SRL: variants seen among roughly 807,000 people sequenced by gnomAD.
SRL encodes the protein sarcalumenin.
In SRL, 23 loss-of-function variants were observed where a neutral mutation model predicts 39.5. The ratio of observed to expected loss-of-function variants is 0.58; its 90% CI spans 0.42 to 0.82. The LOEUF is 0.82. Ranked by LOEUF, SRL falls within the 40% of genes least tolerant of loss-of-function variation. The pLI is 0.00. For missense variants in SRL, 592 were observed against 607.8 expected, an observed-to-expected ratio of 0.97 and a Z score of 0.27; for synonymous variants, 272 against 237.4, an observed-to-expected ratio of 1.15 and a Z score of -1.34.
At chr16:4,200,435 G>A (rs2052213017) in intron 3 of SRL, among the ~76,000 whole-genome samples, 1 of 152,210 alleles carries the variant, frequency 6.6e-6, no homozygotes, top group African/African-American at 2.4e-5. Flanking sequence ...CTATACAGGA[G>A]GTGGGAGGTG....
chr16:4,218,907 C>G (rs748540649), intron 1 of SRL, among the ~76,000 whole-genome samples: 2 of 152,262 alleles, frequency 1.3e-5, no homozygotes, highest in African/African-American at 2.4e-5. Context: ...AGCTCATAGA[C>G]CTCTCTGGAA....
intron 3 of SRL, among the ~76,000 whole-genome samples, chr16:4,200,406 A>T (rs921977417): frequency 6.6e-6 from 1 of 152,136 alleles, no homozygotes; most frequent in Admixed American, 6.5e-5. Context: ...GGCTCCTCAC[A>T]GCAGGGGGCA....
chr16:4,232,723 G>C (rs901847422), intron 1 of SRL, among the ~76,000 whole-genome samples: 3 of 152,134 alleles, frequency 2.0e-5, no homozygotes, highest in African/African-American at 7.2e-5. Flanking sequence ...TGTTGCCCAA[G>C]GTACTCTTGA....
Position 4,192,762 on chromosome 16 carries a change from G to A in SRL, c.813C>T (p.Ala271=), listed in dbSNP as rs950042174. ...ATQMLMRVYG[A]LFWSLAPLIN... is the part of the protein sequence containing the mutation. ...TGAGAGGGGCCAAGCTCCAGAAGAG[G>A]GCCCCGTAAACCCGCATGAGCATTT... Residue 271 remains alanine (A), a synonymous_variant, in exon 6 of 6, where the codon GCC becomes GCT. Coordinates refer to ENST00000399609, the MANE Select transcript of SRL (RefSeq NM_001098814.2). The surrounding 1 kb of genome is among the most constrained non-coding windows in gnomAD (Gnocchi z 4.0). 8.1e-6 allele frequency: 13 copies of A among 1,614,036 alleles called. No homozygotes were observed. The African/African-American group carries it at 1.6e-4, about 20-fold the overall frequency.
chr16:4,225,493 A>T (rs1216196326), intron 1 of SRL, among the ~76,000 whole-genome samples: 1 of 152,232 alleles, frequency 6.6e-6, no homozygotes, highest in East Asian at 1.9e-4. Flanking sequence ...CTGAGGTGGG[A>T]GGATCGCCTG....
At chr16:4,214,035 G>A (rs945608302) in intron 1 of SRL, among the ~76,000 whole-genome samples, 3 of 152,172 alleles carry the variant, frequency 2.0e-5, no homozygotes, top group East Asian at 1.9e-4. Context: ...CTGGGTCAAC[G>A]TGTACCTGTG....
intron 1 of SRL, among the ~76,000 whole-genome samples, chr16:4,236,652 T>C (rs982562465): frequency 9.4e-5 from 14 of 148,674 alleles, no homozygotes; most frequent in Admixed American, 4.0e-4. Context: ...AAACTGAACT[T>C]TTTTTTTTTG....
chr16:4,233,564 G>T (rs563458650), intron 1 of SRL, among the ~76,000 whole-genome samples: 85 of 152,200 alleles, frequency 5.6e-4, no homozygotes, highest in African/African-American at 1.9e-3. Flanking sequence ...TGCTGGTGGG[G>T]GGGTGTTAGT....
At chr16:4,241,406 C>A (rs564217694) in intron 1 of SRL, among the ~76,000 whole-genome samples, 21 of 152,350 alleles carry the variant, frequency 1.4e-4, no homozygotes, top group African/African-American at 4.8e-4. Context: ...CGAGCAGAGG[C>A]TCTACTCCAG....
chr16:4,211,014 G>T (rs999449797), intron 1 of SRL, among the ~76,000 whole-genome samples: 2 of 152,084 alleles, frequency 1.3e-5, no homozygotes, highest in Non-Finnish European at 2.9e-5. Context: ...TCTGAGAAGC[G>T]CTGGGCTACA....
At chr16:4,206,794 C>G in intron 1 of SRL, 1 of 456,850 alleles carries the variant, frequency 2.2e-6, no homozygotes, top group Non-Finnish European at 4.4e-6. Flanking sequence ...GCCTTCATAT[C>G]CAGGGTCTCA....
At chr16:4,222,526 G>A (rs767887704) in intron 1 of SRL, among the ~76,000 whole-genome samples, 4 of 152,024 alleles carry the variant, frequency 2.6e-5, no homozygotes, top group African/African-American at 7.2e-5. Flanking sequence ...CACCCGCCTC[G>A]GCCTCCCAAA....
rs574718961 is a variant in SRL at position 4,211,310 on chromosome 16, G to A, written c.62-6676C>T. Among the ~76,000 whole-genome samples, 110 of 149,558 alleles carry A rather than the reference G, an allele frequency of 7.4e-4. 2 individuals carry two copies. In the South Asian group the frequency reaches 0.022, roughly 30 times the overall value. The stretch of plus-strand genomic sequence containing the variant: ...AAGGATCCCCATTGTGGGCTCCCAC[G>A]TTGGGGGGGGTCTCCTAGGGCCTGG... On this transcript the variant is annotated intron_variant, in intron 1 of 5. Coordinates refer to ENST00000399609, the MANE Select transcript of SRL (RefSeq NM_001098814.2).
At chr16:4,199,795 C>G (rs924296348) in intron 3 of SRL, among the ~76,000 whole-genome samples, 2 of 143,188 alleles carry the variant, frequency 1.4e-5, no homozygotes, top group African/African-American at 5.2e-5. Context: ...CTCCTGGGTT[C>G]AAGCCATTCT....
intron 1 of SRL, among the ~76,000 whole-genome samples, chr16:4,227,367 G>A: frequency 6.6e-6 from 1 of 151,840 alleles, no homozygotes; most frequent in East Asian, 1.9e-4. Context: ...ATGGCTGGGT[G>A]GAAGGATGGG....
chr16:4,232,092 C>T (rs2052666035), intron 1 of SRL, among the ~76,000 whole-genome samples: 1 of 152,192 alleles, frequency 6.6e-6, no homozygotes, highest in Non-Finnish European at 1.5e-5. Flanking sequence ...GCCGCTCTGC[C>T]TCTGTGTAGA....
intron 4 of SRL, among the ~76,000 whole-genome samples, chr16:4,197,438 T>TTTTTTTTTTG (rs2052164426): frequency 7.3e-6 from 1 of 137,518 alleles, no homozygotes; most frequent in Non-Finnish European, 1.6e-5. Flanking sequence ...TTTTTTTTTT[T>TTTTTTTTTTG]TGAGACGGAG....
rs371081675 is a variant in SRL at position 4,233,475 on chromosome 16, C to T, written c.61+8532G>A. On this transcript the variant is annotated intron_variant, in intron 1 of 5. Transcript: ENST00000399609. ...GTCCAGCAATTGTCCCCTCCCTGCA[C>T]GTTGGGCTGAAACCCTGTCCCTCTG... Among the ~76,000 whole-genome samples the T allele has an allele frequency of 3.9e-5, 6 of 152,308 alleles. 1 individual carries two copies.
At chr16:4,199,368 T>A (rs2052191591) in intron 3 of SRL, among the ~76,000 whole-genome samples, 1 of 95,856 alleles carries the variant, frequency 1.0e-5, no homozygotes, top group African/African-American at 9.7e-5. Context: ...CCCCATCTTT[T>A]TTTTTTTTTT....
Sources: gnomAD v4.1 joint callset for allele counts (sites outside exome capture counted in the v4.1 genomes callset) on GRCh38, gnomAD v4.1.1 for gene constraint, Gnocchi (gnomAD v3.1) non-coding constraint, MANE v1.5 for transcripts, NCBI Gene and HGNC (gene_info 2026-07-23, HGNC 2026-07-21) for gene names.